Variants in ZNF516 observed in about 807,000 individuals in gnomAD.
ZNF516 encodes the protein zinc finger protein 516.
Under a neutral mutation model 79.7 loss-of-function variants are expected in ZNF516, and 19 were observed. That is an observed-to-expected ratio of 0.24 (90% confidence interval 0.17 to 0.35). The LOEUF (loss-of-function observed/expected upper bound fraction) is 0.35. Among genes scored for constraint, ZNF516 ranks in the 10% least tolerant of loss-of-function variants. The probability of loss-of-function intolerance (pLI) is 1.00; values close to 1 mark genes in which losing one functional copy is unlikely to be tolerated. For synonymous variants in ZNF516, 877 were observed against 739.5 expected (o/e 1.19, Z -3.02); for missense variants, 1,678 against 1,679.5 (o/e 1.00, Z 0.02).
At chr18:76,415,518 A>G (rs2075422398) in intron 3 of ZNF516, among the ~76,000 whole-genome samples, 2 of 152,342 alleles carry the variant, frequency 1.3e-5, no homozygotes, top group South Asian at 4.1e-4. Context: ...AAGAGGGCAC[A>G]GCCAGCTCTC....
At chr18:76,371,300 G>A (rs1568232382) in intron 5 of ZNF516, among the ~76,000 whole-genome samples, 167 bp downstream of exon 5, 1 of 152,238 alleles carries the variant, frequency 6.6e-6, no homozygotes, top group South Asian at 2.1e-4. Flanking sequence ...TTCAGGTGTG[G>A]AGTGGGGGCG....
At chr18:76,440,769 C>CGT (rs1491467768) in intron 3 of ZNF516, among the ~76,000 whole-genome samples, 3 of 90,678 alleles carry the variant, frequency 3.3e-5, no homozygotes, top group Non-Finnish European at 5.4e-5. Flanking sequence ...TGTGCGCGCA[C>CGT]GCGCGCATGC....
chr18:76,493,096 CT>C lies in ZNF516; in HGVS notation c.-272+2047del, dbSNP rs561296687. On this transcript the variant is annotated intron_variant, in intron 1 of 6. Coordinates refer to ENST00000443185, the MANE Select transcript of ZNF516 (RefSeq NM_014643.4). The surrounding 1 kb of genome is among the most constrained non-coding windows in gnomAD (Gnocchi z 5.2). ...CAGGGAGACTTCGCAAAGCTGTTTC[CT>C]TTTTTTTTTTTCCTCCTCTCCTCCC... The C allele has an allele frequency of 0.032, 20,248 of 642,410 alleles. 212 individuals carry two copies. Among genetic ancestry groups the C allele is most frequent in the African/African-American group, 0.1 (5,173 of 50,118 alleles). 39.8% of individuals were successfully genotyped at this position (642,410 alleles called of 1,614,324 possible).
At chr18:76,415,745 A>C (rs2075425401) in intron 3 of ZNF516, among the ~76,000 whole-genome samples, 2 of 152,198 alleles carry the variant, frequency 1.3e-5, no homozygotes, top group African/African-American at 4.8e-5. Flanking sequence ...TGCATAGAGA[A>C]ACCGGCTCAA....
Position 76,441,770 on chromosome 18 carries a change from C to CGGCCACCTT in ZNF516, c.1276_1284dup (p.Lys426_Ala428dup), listed in dbSNP as rs1251408486. Reference sequence around the variant, plus strand: ...CCGTACTTGAGGTACTCGGCCGGCTCGGCCACCTTACCCCGCGTGGCCAGC... The same window carrying CGGCCACCTT: ...CCGTACTTGAGGTACTCGGCCGGCTCGGCCACCTTGGCCACCTTACCCCGCGTGGCCAGC... On this transcript the variant is annotated inframe_insertion, in exon 3 of 7. Coordinates refer to ENST00000443185, the MANE Select transcript of ZNF516 (RefSeq NM_014643.4). 1 of 1,564,228 alleles carries CGGCCACCTT rather than the reference C, an allele frequency of 6.4e-7. No individual in the cohort carries two copies. Among genetic ancestry groups the CGGCCACCTT allele is most frequent in the South Asian group, 1.2e-5 (1 of 86,138 alleles).
intron 3 of ZNF516, among the ~76,000 whole-genome samples, chr18:76,395,931 A>T (rs2075140084): frequency 6.6e-6 from 1 of 152,172 alleles, no homozygotes; most frequent in African/African-American, 2.4e-5. Flanking sequence ...GAAGTGCGCA[A>T]AGCTGCAAGT....
At chr18:76,378,741 G>A (rs946194352) in intron 4 of ZNF516, 114 bp downstream of exon 4, 135 of 1,431,476 alleles carry the variant, frequency 9.4e-5, no homozygotes, top group Admixed American at 1.8e-4. Context: ...GGATGGGGCC[G>A]GCTGGCTCTG....
Position 76,358,630 on chromosome 18 carries a change from G to A in ZNF516, c.*3868C>T, listed in dbSNP as rs2074489185. 1 of 152,212 alleles carries A rather than the reference G, an allele frequency of 6.6e-6. No homozygotes were observed. Among genetic ancestry groups the A allele is most frequent in the Admixed American group, 6.5e-5 (1 of 15,284 alleles). The allele number at this position is 152,212 out of a possible 1,614,324, so 9.4% of individuals were successfully genotyped here. On this transcript the variant is annotated 3_prime_UTR_variant, in exon 7 of 7. Coordinates refer to ENST00000443185, the MANE Select transcript of ZNF516 (RefSeq NM_014643.4). ...CGTTCTGAAATTAGAACTCACCAAA[G>A]TTAAAAGCAGTAAAACAACATATGC...
At chr18:76,461,288 G>GT (rs771934684) in intron 2 of ZNF516, among the ~76,000 whole-genome samples, 11 of 152,224 alleles carry the variant, frequency 7.2e-5, no homozygotes, top group Non-Finnish European at 1.6e-4. Context: ...CACTGACCAT[G>GT]TAATGGTGAG....
At chr18:76,415,415 G>A (rs2075420703) in intron 3 of ZNF516, among the ~76,000 whole-genome samples, 1 of 152,126 alleles carries the variant, frequency 6.6e-6, no homozygotes, top group African/African-American at 2.4e-5. Context: ...AACTTTACTA[G>A]ATGTGAATTT....
chr18:76,443,070 G>A lies in ZNF516; in HGVS notation c.-16C>T, dbSNP rs1368407324. 24 of 1,561,792 alleles carry A rather than the reference G, an allele frequency of 1.5e-5. No homozygotes were observed. Among genetic ancestry groups the A allele is most frequent in the East Asian group, 2.3e-5 (1 of 42,968 alleles). On this transcript the variant is annotated 5_prime_UTR_variant, in exon 3 of 7. Coordinates refer to ENST00000443185, the MANE Select transcript of ZNF516 (RefSeq NM_014643.4). Reference sequence around the variant, plus strand: ...TGCGATCCATCCGAAGGACGGGCGCGGCCGGTGGTGGCGGCACAGCTTTCT... The same window carrying A: ...TGCGATCCATCCGAAGGACGGGCGCAGCCGGTGGTGGCGGCACAGCTTTCT...
intron 6 of ZNF516, among the ~76,000 whole-genome samples, chr18:76,367,891 A>G (rs953320281): frequency 6.6e-6 from 1 of 152,240 alleles, no homozygotes; most frequent in Non-Finnish European, 1.5e-5. Context: ...AGCATCTATT[A>G]TGTATATCTA....
intron 1 of ZNF516, among the ~76,000 whole-genome samples, chr18:76,479,545 G>A (rs1201948525): frequency 1.3e-5 from 2 of 152,196 alleles, no homozygotes; most frequent in African/African-American, 4.8e-5. Context: ...ACAGATGGAG[G>A]GAAGACGCAC....
At chr18:76,401,242 A>G (rs1045207181) in intron 3 of ZNF516, among the ~76,000 whole-genome samples, 3 of 89,480 alleles carry the variant, frequency 3.4e-5, no homozygotes, top group Middle Eastern at 0.011. Flanking sequence ...TTCACCTTCA[A>G]TTTATCTTTT....
intron 3 of ZNF516, chr18:76,386,635 G>C (rs144940025): frequency 6.6e-6 from 1 of 152,086 alleles, no homozygotes; most frequent in African/African-American, 2.4e-5. Flanking sequence ...ACCTACAAAC[G>C]GCATCAGAAC....
rs1241932940 is a variant in ZNF516, at chr18:76,384,471, C to T, written c.1811-4168G>A. ...CACGCCCCCCACGCCCCCACCACGA[C>T]CCGCACACCTTTCTCCATGGCCCCC... On this transcript the variant is annotated intron_variant, in intron 3 of 6. Coordinates refer to ENST00000443185, the MANE Select transcript of ZNF516 (RefSeq NM_014643.4). Among the ~76,000 whole-genome samples the T allele has an allele frequency of 5.2e-4, 65 of 125,116 alleles. 2 individuals are homozygous for T. Among genetic ancestry groups the T allele is most frequent in the South Asian group, 3.1e-3 (10 of 3,254 alleles). The allele number at this position is 125,116 out of a possible 152,430, so 82.1% of individuals were successfully genotyped here.
At chr18:76,378,729 T>C (rs960596644) in intron 4 of ZNF516, 126 bp downstream of exon 4, 19 of 1,374,048 alleles carry the variant, frequency 1.4e-5, no homozygotes, top group Admixed American at 5.3e-5. Flanking sequence ...AGCTCAGCAG[T>C]GGGATGGGGC....
Position 76,486,205 on chromosome 18 carries a change from C to T in ZNF516, c.-272+8939G>A, listed in dbSNP as rs116304115. Among the ~76,000 whole-genome samples the T allele has an allele frequency of 7.4e-3, 1,131 of 152,320 alleles. 20 individuals are homozygous for T. The highest frequency in any genetic ancestry group is 0.027 in the African/African-American group (1,103 of 41,558). On this transcript the variant is annotated intron_variant, in intron 1 of 6. Transcript: ENST00000443185. ...AGAAAGAATCTGCTAAAGCCACAAA[C>T]GACCATTCTGTACAACTTTCAATGC... is the stretch of plus-strand genomic sequence containing the variant.
rs1282007995 is a variant in ZNF516, at chr18:76,359,561, G to A, written c.*2937C>T. ...AAAAATGAGGAAGAGATATGAGCAG[G>A]AAACAGGAGAGTATAGGAAGGCAGG... On this transcript the variant is annotated 3_prime_UTR_variant, in exon 7 of 7. Coordinates refer to ENST00000443185, the MANE Select transcript of ZNF516 (RefSeq NM_014643.4). 2.0e-5 allele frequency: 3 copies of A among 152,192 alleles called. No individual in the cohort carries two copies. Among genetic ancestry groups the A allele is most frequent in the African/African-American group, 4.8e-5 (2 of 41,442 alleles). 9.4% of individuals were successfully genotyped at this position (152,192 alleles called of 1,614,324 possible). A position where few individuals can be genotyped will look rare whatever the true frequency, so the allele number is the denominator to read the frequency against.
Sources: allele counts gnomAD v4.1 joint callset (sites outside exome capture counted in the v4.1 genomes callset), GRCh38; gene constraint gnomAD v4.1.1; non-coding constraint Gnocchi (gnomAD v3.1); transcripts MANE v1.5; gene names NCBI Gene and HGNC (gene_info 2026-07-23, HGNC 2026-07-21).